Variants in IMPG1 observed in about 807,000 individuals in gnomAD.
IMPG1 encodes interphotoreceptor matrix proteoglycan 1.
IMPG1 carries 85 observed loss-of-function variants against 92.0 expected under a neutral mutation model. That is an observed-to-expected ratio of 0.92 (90% CI 0.78 to 1.11). The LOEUF is 1.11. Ranked by LOEUF, IMPG1 falls within the 50% of genes least tolerant of loss-of-function variation. The pLI is 0.00. For synonymous variants in IMPG1, 367 were observed against 334.1 expected (o/e 1.10, Z -1.08); for missense variants, 1,022 against 956.0 (o/e 1.07, Z -0.91).
chr6:75,958,122 A>C (rs1782158999), intron 12 of IMPG1, among the ~76,000 whole-genome samples: 1 of 152,160 alleles, frequency 6.6e-6, no homozygotes, highest in Non-Finnish European at 1.5e-5. Flanking sequence ...GCTTGTCTGT[A>C]AAGGATTTTA....
intron 9 of IMPG1, 115 bp from the exon 10 acceptor site, chr6:76,005,649 C>T: frequency 3.0e-6 from 3 of 1,011,450 alleles, no homozygotes; most frequent in South Asian, 3.1e-5. Flanking sequence ...TCCTGATGGG[C>T]TCGGAGAGAA....
At chr6:75,938,223 T>A (rs1582053673) in intron 14 of IMPG1, among the ~76,000 whole-genome samples, 1 of 152,242 alleles carries the variant, frequency 6.6e-6, no homozygotes, top group African/African-American at 2.4e-5. Context: ...AATGGATTGC[T>A]AATCCTCATT....
rs373347488 is a variant in IMPG1, at chr6:75,989,594, G to C, written c.1291+13324C>G. On this transcript the variant is annotated intron_variant, in intron 12 of 16. Transcript: ENST00000369950. The stretch of plus-strand genomic sequence containing the variant: ...ATGGTGGCTCACACCTGTAATCCCA[G>C]CCCTTTGGGAGACTGAGGTGGGCAG... 9.3e-4 allele frequency among the ~76,000 whole-genome samples: 142 copies of C among 152,326 alleles called. 1 individual carries two copies. The highest frequency in any genetic ancestry group is 3.2e-3 in the African/African-American group (133 of 41,570).
intron 1 of IMPG1, among the ~76,000 whole-genome samples, chr6:76,065,370 G>T (rs1582140387): frequency 6.6e-6 from 1 of 151,868 alleles, no homozygotes; most frequent in Non-Finnish European, 1.5e-5. Context: ...ATTTACTAAA[G>T]AGATAAATAT....
intron 12 of IMPG1, among the ~76,000 whole-genome samples, chr6:75,958,393 G>C (rs903058624): frequency 6.6e-6 from 1 of 152,108 alleles, no homozygotes; most frequent in South Asian, 2.1e-4. Context: ...GAGTATCTTT[G>C]TGGTGTTCTC....
chr6:75,968,346 A>C (rs897420434), intron 12 of IMPG1, among the ~76,000 whole-genome samples: 31 of 152,164 alleles, frequency 2.0e-4, no homozygotes, highest in African/African-American at 7.2e-4. Flanking sequence ...ACTTATCTGC[A>C]ATTCAGCAAT....
chr6:76,048,599 C>T (rs1328904902), intron 1 of IMPG1, among the ~76,000 whole-genome samples: 3 of 152,170 alleles, frequency 2.0e-5, no homozygotes, highest in Non-Finnish European at 4.4e-5. Flanking sequence ...AGAAACTCTT[C>T]TCTCACTTTC....
At chr6:76,003,717 G>A (rs1783040903) in intron 11 of IMPG1, among the ~76,000 whole-genome samples, 157 bp downstream of exon 11, 1 of 152,188 alleles carries the variant, frequency 6.6e-6, no homozygotes, top group Admixed American at 6.5e-5. Context: ...GATACTGAAA[G>A]TGGGTTAAGC....
At chr6:76,021,171 T>A (rs915999637) in intron 6 of IMPG1, among the ~76,000 whole-genome samples, 2 of 152,208 alleles carry the variant, frequency 1.3e-5, no homozygotes, top group African/African-American at 4.8e-5. Context: ...GAACATTTCC[T>A]TTCTATTGAT....
At chr6:75,993,512 A>AAGGGAG (rs1320120947) in intron 12 of IMPG1, among the ~76,000 whole-genome samples, 1 of 151,310 alleles carries the variant, frequency 6.6e-6, no homozygotes, top group East Asian at 2.0e-4. Flanking sequence ...GAGAGAGAGA[A>AAGGGAG]AGAAAGAGAG....
At chr6:76,071,600 A>C (rs1784404097) in intron 1 of IMPG1, among the ~76,000 whole-genome samples, 1 of 152,122 alleles carries the variant, frequency 6.6e-6, no homozygotes, top group African/African-American at 2.4e-5. Context: ...TATTAATTTT[A>C]CTTTTTCATG....
intron 1 of IMPG1, among the ~76,000 whole-genome samples, chr6:76,067,617 G>A (rs562087439): frequency 1.3e-5 from 2 of 151,922 alleles, no homozygotes; most frequent in African/African-American, 2.4e-5. Context: ...ATACAAAAAA[G>A]AATGGGTACC....
At chr6:75,936,774 A>G (rs528824026) in intron 14 of IMPG1, among the ~76,000 whole-genome samples, 10 of 152,290 alleles carry the variant, frequency 6.6e-5, no homozygotes, top group South Asian at 4.1e-4. Flanking sequence ...GTGGTGGCCA[A>G]TTGTCCCAGG....
chr6:76,045,372 C>G (rs1783920392), intron 1 of IMPG1, among the ~76,000 whole-genome samples: 1 of 150,876 alleles, frequency 6.6e-6, no homozygotes, highest in South Asian at 2.1e-4. Context: ...CAAGCTACAA[C>G]TACTTCCATA....
intron 12 of IMPG1, among the ~76,000 whole-genome samples, chr6:75,981,473 A>G (rs1262264079): frequency 6.6e-6 from 1 of 152,212 alleles, no homozygotes; most frequent in Non-Finnish European, 1.5e-5. Context: ...TAGCTGAAGA[A>G]CTTGTTAAAA....
chr6:75,953,920 T>C (rs1003792887), intron 12 of IMPG1, among the ~76,000 whole-genome samples: 7 of 152,236 alleles, frequency 4.6e-5, no homozygotes, highest in African/African-American at 1.7e-4. Flanking sequence ...GCTTCATCCA[T>C]GACCCTGCAA....
chr6:75,955,077 AATTATCTTAGCCAT>A (rs1297049344), intron 12 of IMPG1, among the ~76,000 whole-genome samples: 4 of 152,004 alleles, frequency 2.6e-5, no homozygotes, highest in Admixed American at 6.6e-5. Flanking sequence ...TTTTGCTTAG[AATTATCTTAGCCAT>A]ACAGGCTCTT....
chr6:76,065,802 G>GA (rs879835149), intron 1 of IMPG1, among the ~76,000 whole-genome samples: 2 of 152,000 alleles, frequency 1.3e-5, no homozygotes, highest in African/African-American at 2.4e-5. Context: ...TCAGTGTGAA[G>GA]AAAAAAATCC....
intron 12 of IMPG1, among the ~76,000 whole-genome samples, chr6:75,971,963 C>T (rs1782426986): frequency 6.6e-6 from 1 of 152,074 alleles, no homozygotes; most frequent in African/African-American, 2.4e-5. Context: ...TTACTTGGTT[C>T]CTCATTAATT....
Sources: gnomAD v4.1 joint callset for allele counts (sites outside exome capture counted in the v4.1 genomes callset) on GRCh38, gnomAD v4.1.1 for gene constraint, MANE v1.5 for transcripts, NCBI Gene and HGNC (gene_info 2026-07-23, HGNC 2026-07-21) for gene names.